The following POGLUT1 variants were observed in gnomAD, a reference collection of about 807,000 sequenced individuals.
The protein encoded by POGLUT1 is 9630046K23Rik.
Under a neutral mutation model 61.3 loss-of-function variants are expected in POGLUT1, and 32 were observed. The observed-to-expected ratio is 0.52, with a 90% CI of 0.39 to 0.70. The LOEUF (loss-of-function observed/expected upper bound fraction) is 0.70, where lower values mean the gene tolerates loss of function less well. POGLUT1 is among the 30% of genes least tolerant of loss of function. The pLI is 0.00. For synonymous variants in POGLUT1, 158 were observed against 158.2 expected (o/e 1.00, Z 0.01); for missense variants, 411 against 469.8 (o/e 0.87, Z 1.16).
At chr3:119,490,896 A>G (rs1358249856) in intron 9 of POGLUT1, among the ~76,000 whole-genome samples, 178 bp downstream of exon 9, 2 of 152,188 alleles carry the variant, frequency 1.3e-5, no homozygotes, top group Non-Finnish European at 2.9e-5. Context: ...CAAGTAGGCT[A>G]TAAGTGGAAT....
chr3:119,481,310 G>T (rs2081603410), intron 5 of POGLUT1, among the ~76,000 whole-genome samples: 1 of 152,104 alleles, frequency 6.6e-6, no homozygotes, highest in Admixed American at 6.6e-5. Context: ...TATCATTTCA[G>T]AATTTAGATT....
intron 2 of POGLUT1, 95 bp from the exon 3 acceptor site, chr3:119,471,214 G>A: frequency 2.8e-6 from 3 of 1,077,718 alleles, no homozygotes; most frequent in Non-Finnish European, 4.2e-6. Flanking sequence ...CACTTACTGT[G>A]TTCTCTAATA....
At chr3:119,489,026 A>T (rs1258434163) in intron 8 of POGLUT1, 39 bp downstream of exon 8, 14 of 1,212,012 alleles carry the variant, frequency 1.2e-5, no homozygotes, top group Non-Finnish European at 1.7e-5. Flanking sequence ...TGGTTTCCAT[A>T]CTGCTTTTGA....
At chr3:119,469,338 G>A (rs1246228597) in intron 1 of POGLUT1, 1 of 587,342 alleles carries the variant, frequency 1.7e-6, no homozygotes, top group Non-Finnish European at 3.0e-6. Flanking sequence ...ACAGGGAGGA[G>A]AGGGAATTCC....
chr3:119,469,044 C>T lies in POGLUT1; in HGVS notation c.23C>T (p.Pro8Leu), dbSNP rs543487150. 5 of 1,609,140 alleles carry T rather than the reference C, an allele frequency of 3.1e-6. No homozygotes were observed. Among genetic ancestry groups the T allele is most frequent in the Non-Finnish European group, 3.4e-6 (4 of 1,178,916 alleles). Residue 8 changes from proline (P) to leucine (L), a missense_variant, in exon 1 of 11, where the codon CCG becomes CTG. By Grantham distance (98) the Pro-to-Leu change is moderately conservative. Coordinates refer to ENST00000295588, the MANE Select transcript of POGLUT1 (RefSeq NM_152305.3). ...GCGATGGAGTGGTGGGCTAGCTCGCCGCTTCGGCTCTGGCTGCTGTTGTTC... is the reference window on the plus strand; with the variant it reads ...GCGATGGAGTGGTGGGCTAGCTCGCTGCTTCGGCTCTGGCTGCTGTTGTTC... MEWWASS[P>L]LRLWLLLFLL...
chr3:119,485,195 C>T lies in POGLUT1; in HGVS notation c.579-133C>T, dbSNP rs142228833. 2.6e-3 allele frequency: 1,430 copies of T among 543,114 alleles called. 25 individuals are homozygous for T. The highest frequency in any genetic ancestry group is 0.026 in the African/African-American group (1,302 of 50,026). The allele number at this position is 543,114 out of a possible 1,614,324, so 33.6% of individuals were successfully genotyped here. On this transcript the variant is annotated intron_variant, in intron 5 of 10. Transcript: ENST00000295588. ...TCGCGCCACTGCACTCCAGCCTGGA[C>T]GACAGTGCGAGACTCCGTCTCAAAA...
In POGLUT1 at chr3:119,492,821, A is replaced by T. The variant is rs2081767211; in HGVS notation, c.*383A>T. 6.5e-6 allele frequency: 1 copy of T among 154,172 alleles called. No individual in the cohort carries two copies. Among genetic ancestry groups the T allele is most frequent in the East Asian group, 1.9e-4 (1 of 5,240 alleles). 9.6% of individuals were successfully genotyped at this position (154,172 alleles called of 1,614,324 possible). A position where few individuals can be genotyped will look rare whatever the true frequency, so the allele number is the denominator to read the frequency against. On this transcript the variant is annotated 3_prime_UTR_variant, in exon 11 of 11. Transcript: ENST00000295588. Reference sequence around the variant, plus strand: ...TTTGTCCCATTATTTGGAGCAGAAAATTCGTCATTTGGAAGTAGTACAACT... The same window carrying T: ...TTTGTCCCATTATTTGGAGCAGAAATTTCGTCATTTGGAAGTAGTACAACT...
chr3:119,478,430 T>A (rs1176405752), intron 4 of POGLUT1: 1 of 456,714 alleles, frequency 2.2e-6, no homozygotes, highest in Admixed American at 2.3e-5. Flanking sequence ...TTGGTTCCAT[T>A]GTTTGTCATG....
chr3:119,492,069 T>A (rs1277060610), intron 10 of POGLUT1, among the ~76,000 whole-genome samples: 12 of 151,692 alleles, frequency 7.9e-5, no homozygotes, highest in African/African-American at 2.2e-4. Context: ...AATAAATAAA[T>A]AAATAAATAA....
rs2081779412 is a variant in POGLUT1, at chr3:119,493,583, CCT to C, written c.*1150_*1151del. ...GCCCAACCTTTCCACAGAGAAATCA[CCT>C]CTCTTCCTTTGTCTTTTAAGAACTA... On this transcript the variant is annotated 3_prime_UTR_variant, in exon 11 of 11. Coordinates refer to ENST00000295588, the MANE Select transcript of POGLUT1 (RefSeq NM_152305.3). 6.6e-6 allele frequency: 1 copy of C among 152,170 alleles called. No individual in the cohort carries two copies. Among genetic ancestry groups the C allele is most frequent in the African/African-American group, 2.4e-5 (1 of 41,444 alleles). The allele number at this position is 152,170 out of a possible 1,614,324, so 9.4% of individuals were successfully genotyped here.
intron 2 of POGLUT1, among the ~76,000 whole-genome samples, chr3:119,471,009 G>A (rs2081463865): frequency 6.6e-6 from 1 of 152,212 alleles, no homozygotes. Context: ...GAAGTGACTA[G>A]AAGGACACAG....
rs1397930464 is a variant in POGLUT1, at chr3:119,477,339, T to A, written c.347T>A (p.Leu116Ter). 9 of 1,614,110 alleles carry A rather than the reference T, an allele frequency of 5.6e-6. No homozygotes were observed. The highest frequency in any genetic ancestry group is 6.8e-6 in the Non-Finnish European group (8 of 1,179,946). ...SRCSGVEHFILEVIGRLPDME... is the reference protein window; with the variant it reads ...SRCSGVEHFI ...TGTAGTGGTGTTGAGCACTTTATTT[T>A]GGAAGTGATCGGGCGTCTCCCTGAC... Residue 116 changes from leucine to a stop codon, truncating the protein, a stop_gained, in exon 4 of 11, where the codon TTG (leucine) becomes TAG (stop). Coordinates refer to ENST00000295588, the MANE Select transcript of POGLUT1 (RefSeq NM_152305.3). LOFTEE classifies it high-confidence loss of function.
Position 119,477,300 on chromosome 3 carries a change from G to C in POGLUT1, c.321-13G>C. On this transcript the variant is annotated splice_polypyrimidine_tract_variant and intron_variant, in intron 3 of 10. Transcript: ENST00000295588. ...CACTACTCTGCTGAATTTATGGTAT[G>C]TCTGGTTGACAGGTGTAGTGGTGTT... The C allele has an allele frequency of 6.2e-7, 1 of 1,613,556 alleles. No individual in the cohort carries two copies.
rs564408612 is a variant in POGLUT1 at position 119,492,194 on chromosome 3, GC to G, written c.1023-87del. The G allele has an allele frequency of 2.0e-5, 19 of 930,736 alleles. No homozygotes were observed. In the African/African-American group the frequency reaches 3.0e-4, roughly 15 times the overall value. 57.7% of individuals were successfully genotyped at this position (930,736 alleles called of 1,614,324 possible). A position where few individuals can be genotyped will look rare whatever the true frequency, so the allele number is the denominator to read the frequency against. On this transcript the variant is annotated intron_variant, in intron 10 of 10. Transcript: ENST00000295588. ...TAATTTATATAAAATGCTGAATAATGCTTGGCACAAGGTGAGCACTCAAATG... is the reference window on the plus strand; with the variant it reads ...TAATTTATATAAAATGCTGAATAATGTTGGCACAAGGTGAGCACTCAAATG...
At chr3:119,471,537 C>T in intron 3 of POGLUT1, 85 bp downstream of exon 3, 2 of 1,183,758 alleles carry the variant, frequency 1.7e-6, no homozygotes, top group Non-Finnish European at 2.5e-6. Context: ...ATTCATGGGA[C>T]TAACAAGCAG....
intron 3 of POGLUT1, among the ~76,000 whole-genome samples, chr3:119,473,660 C>CT (rs771110307): frequency 2.5e-3 from 356 of 142,164 alleles, no homozygotes; most frequent in Middle Eastern, 7.2e-3. Flanking sequence ...CGTCTAGATA[C>CT]TTTTTTTTTT....
At position 119,469,075 on chromosome 3, in the gene POGLUT1, G is replaced by C. The variant is rs752525298; in HGVS notation, c.54G>C (p.Leu18=). Reference sequence around the variant, plus strand: ...GGCTCTGGCTGCTGTTGTTCCTCCTGCCCTCAGCGCAGGGCCGCCAGAAGG... The same window carrying C: ...GGCTCTGGCTGCTGTTGTTCCTCCTCCCCTCAGCGCAGGGCCGCCAGAAGG... ...PLRLWLLLFL[L]PSAQGRQKES... Residue 18 remains leucine (L), a synonymous_variant, in exon 1 of 11, where the codon CTG becomes CTC. Coordinates refer to ENST00000295588, the MANE Select transcript of POGLUT1 (RefSeq NM_152305.3). 4 of 1,608,790 alleles carry C rather than the reference G, an allele frequency of 2.5e-6. No homozygotes were observed. In the South Asian group the frequency reaches 4.4e-5, roughly 18 times the overall value.
Position 119,493,658 on chromosome 3 carries a change from A to G in POGLUT1, c.*1220A>G, listed in dbSNP as rs2081780271. ...ATTAGTAAATGTGAGATTCAGTCAC[A>G]TAATTATCAGACATTCCATTTGTCA... On this transcript the variant is annotated 3_prime_UTR_variant, in exon 11 of 11. Transcript: ENST00000295588. 1 of 152,242 alleles carries G rather than the reference A, an allele frequency of 6.6e-6. No homozygotes were observed. Among genetic ancestry groups the G allele is most frequent in the Non-Finnish European group, 1.5e-5 (1 of 68,046 alleles). 9.4% of individuals were successfully genotyped at this position (152,242 alleles called of 1,614,324 possible).
intron 9 of POGLUT1, 90 bp from the exon 10 acceptor site, chr3:119,491,425 AATT>A (rs1402001105): frequency 1.8e-6 from 1 of 546,786 alleles, no homozygotes; most frequent in Non-Finnish European, 3.3e-6. Flanking sequence ...ACATACCTAA[AATT>A]ATCCATAGAC....
Sources: allele counts gnomAD v4.1 joint callset (sites outside exome capture counted in the v4.1 genomes callset), GRCh38; gene constraint gnomAD v4.1.1; transcripts MANE v1.5; gene names NCBI Gene and HGNC (gene_info 2026-07-23, HGNC 2026-07-21).